Variants in VDAC1 observed in about 807,000 individuals in gnomAD.
VDAC1 encodes voltage dependent anion channel 1, also known as non-selective voltage-gated ion channel VDAC1.
Under a neutral mutation model 34.7 loss-of-function variants are expected in VDAC1, and 10 were observed. That is an observed-to-expected ratio of 0.29 (90% CI 0.18 to 0.49). The LOEUF is 0.49. Among genes scored for constraint, VDAC1 ranks in the 20% least tolerant of loss-of-function variants. VDAC1 has a pLI of 0.99. For synonymous variants in VDAC1, 130 were observed against 136.0 expected (o/e 0.96, Z 0.30); for missense variants, 230 against 347.9 (o/e 0.66, Z 2.69).
chr5:134,043,415 C>G, the VDAC1 span, among the ~76,000 whole-genome samples: 2 of 152,200 alleles, frequency 1.3e-5, no homozygotes, highest in African/African-American at 2.4e-5. Flanking sequence ...CAGGAATTAG[C>G]CCAACCAGAG....
At chr5:134,100,565 G>C in the VDAC1 span, among the ~76,000 whole-genome samples, 9 of 152,282 alleles carry the variant, frequency 5.9e-5, no homozygotes, top group South Asian at 2.1e-4. Context: ...TCCTGTGAAG[G>C]GGGTGGCAGC....
At chr5:134,081,617 C>A in the VDAC1 span, among the ~76,000 whole-genome samples, 10 of 152,262 alleles carry the variant, frequency 6.6e-5, no homozygotes, top group African/African-American at 1.9e-4. Context: ...TAGTAGAAAT[C>A]CCAAATAAAT....
At chr5:134,052,209 C>T in the VDAC1 span, among the ~76,000 whole-genome samples, 6 of 152,138 alleles carry the variant, frequency 3.9e-5, no homozygotes, top group African/African-American at 9.7e-5. Context: ...CTCTGATTGA[C>T]CTCATTCTCT....
rs766514870 is a variant in VDAC1, at chr5:133,972,858, A to T, written c.765T>A (p.Ile255=). 2.5e-6 allele frequency: 4 copies of T among 1,613,434 alleles called. No individual in the cohort carries two copies. In the African/African-American group the frequency reaches 5.3e-5, roughly 22 times the overall value. Residue 255 remains isoleucine, a synonymous_variant, in exon 9 of 9, where the codon ATT becomes ATA. Coordinates refer to ENST00000265333, the MANE Select transcript of VDAC1 (RefSeq NM_003374.3). The stretch of plus-strand genomic sequence containing the variant: ...CCAGAAGAGCTGACAGTGTCAGTTT[A>T]ATACCTGCAGGGAGAAAAATGAGGG... ...LGYTQTLKPG[I]KLTLSALLDG...
At chr5:133,977,441 G>A (rs1752522574) in intron 6 of VDAC1, among the ~76,000 whole-genome samples, 1 of 152,202 alleles carries the variant, frequency 6.6e-6, no homozygotes, top group Non-Finnish European at 1.5e-5. Flanking sequence ...TCCAGTTGCT[G>A]GGAATATCCC....
the VDAC1 span, among the ~76,000 whole-genome samples, chr5:134,046,174 T>C: frequency 9.0e-5 from 13 of 143,932 alleles, no homozygotes; most frequent in East Asian, 2.0e-4. Flanking sequence ...TACAGGCACC[T>C]GCCACCACGC....
At chr5:134,111,874 T>G in the VDAC1 span, among the ~76,000 whole-genome samples, 2 of 152,198 alleles carry the variant, frequency 1.3e-5, no homozygotes, top group Non-Finnish European at 2.9e-5. Context: ...CTGTGAGAAC[T>G]TAGGTGACTT....
chr5:133,984,036 C>T (rs1391152320), intron 5 of VDAC1, among the ~76,000 whole-genome samples: 2 of 152,104 alleles, frequency 1.3e-5, no homozygotes, highest in Non-Finnish European at 2.9e-5. Flanking sequence ...CTCTTTTCTT[C>T]ATAAATTAGC....
the VDAC1 span, among the ~76,000 whole-genome samples, chr5:134,071,277 G>C: frequency 6.6e-6 from 1 of 152,228 alleles, no homozygotes; most frequent in Non-Finnish European, 1.5e-5. The surrounding 1 kb of genome is among the most constrained non-coding windows in gnomAD (Gnocchi z 4.1). Context: ...GCGGCGCCGT[G>C]CGGGAGGGGG....
the VDAC1 span, among the ~76,000 whole-genome samples, chr5:134,067,448 A>C: frequency 6.6e-6 from 1 of 151,352 alleles, no homozygotes; most frequent in South Asian, 2.1e-4. Context: ...AAAAAAAAAA[A>C]AAAGTTATAT....
chr5:134,023,256 A>T, the VDAC1 span, among the ~76,000 whole-genome samples: 1 of 152,156 alleles, frequency 6.6e-6, no homozygotes, highest in Admixed American at 6.5e-5. Flanking sequence ...GTTCTCACTC[A>T]TAAGTGGGAG....
At chr5:134,018,462 T>C in the VDAC1 span, among the ~76,000 whole-genome samples, 3 of 152,120 alleles carry the variant, frequency 2.0e-5, no homozygotes. Flanking sequence ...ATCCAAACCA[T>C]ATCACACACC....
At chr5:133,999,116 G>A (rs901985210) in intron 1 of VDAC1, among the ~76,000 whole-genome samples, 6 of 152,192 alleles carry the variant, frequency 3.9e-5, no homozygotes, top group Non-Finnish European at 7.4e-5. Flanking sequence ...TTCGAGACCA[G>A]CCTGGGCAAT....
the VDAC1 span, among the ~76,000 whole-genome samples, chr5:134,028,427 C>A: frequency 6.6e-6 from 1 of 152,192 alleles, no homozygotes; most frequent in Non-Finnish European, 1.5e-5. Context: ...GCCACTGCAC[C>A]CTGCCCTGAG....
chr5:134,046,022 A>G, the VDAC1 span, among the ~76,000 whole-genome samples: 2 of 136,078 alleles, frequency 1.5e-5, no homozygotes, highest in Non-Finnish European at 3.1e-5. Context: ...TATTTATTCT[A>G]TTTATTTATT....
chr5:133,975,281 G>C (rs1752434423), intron 7 of VDAC1, among the ~76,000 whole-genome samples: 1 of 151,920 alleles, frequency 6.6e-6, no homozygotes, highest in South Asian at 2.1e-4. Context: ...AAAAAACCCA[G>C]AGATGATTAA....
the VDAC1 span, among the ~76,000 whole-genome samples, chr5:134,033,018 A>G: frequency 2.0e-4 from 31 of 151,386 alleles, no homozygotes; most frequent in African/African-American, 7.5e-4. Flanking sequence ...TGAGAGCCCC[A>G]TCTCAAAAAA....
chr5:134,106,321 A>C, the VDAC1 span, among the ~76,000 whole-genome samples: 2 of 152,156 alleles, frequency 1.3e-5, no homozygotes, highest in Non-Finnish European at 2.9e-5. Context: ...TATATTTAAC[A>C]AACACAGGAC....
intron 1 of VDAC1, among the ~76,000 whole-genome samples, chr5:133,996,321 C>G (rs369298960): frequency 6.6e-6 from 1 of 152,208 alleles, no homozygotes. Context: ...CCCTCCACAG[C>G]CTGCCAGTCT....
Sources: gnomAD v4.1 joint callset for allele counts (sites outside exome capture counted in the v4.1 genomes callset) on GRCh38, gnomAD v4.1.1 for gene constraint, Gnocchi (gnomAD v3.1) non-coding constraint, MANE v1.5 for transcripts, NCBI Gene and HGNC (gene_info 2026-07-23, HGNC 2026-07-21) for gene names.